The following TNXB variants were observed in gnomAD, a reference collection of about 807,000 sequenced individuals.
TNXB encodes the protein tenascin-X.
TNXB carries 183 observed loss-of-function variants against 340.5 expected under a neutral mutation model. The observed-to-expected ratio is 0.54, with a 90% confidence interval of 0.48 to 0.61. The LOEUF (loss-of-function observed/expected upper bound fraction) is 0.61, where lower values mean the gene tolerates loss of function less well. Among genes scored for constraint, TNXB ranks in the 20% least tolerant of loss-of-function variants. The pLI, the probability that TNXB is intolerant of heterozygous loss-of-function variation, is 0.00. For synonymous variants in TNXB, 2,121 were observed against 2,314.5 expected (o/e 0.92, Z 2.40); for missense variants, 4,613 against 5,446.4 (o/e 0.85, Z 4.82).
intron 26 of TNXB, among the ~76,000 whole-genome samples, chr6:32,050,558 C>G (rs1420371761): frequency 6.6e-6 from 1 of 151,026 alleles, no homozygotes; most frequent in Non-Finnish European, 1.5e-5. Context: ...CCCTGTCCCT[C>G]CAGCACCGCC....
In TNXB at chr6:32,096,458, G is replaced by T; in HGVS notation, c.1395C>A (p.Ser465Arg). Residue 465 changes from serine (S) to arginine (R), a missense_variant, in exon 3 of 44, where the codon AGC (serine) becomes AGA (arginine). Transcript: ENST00000644971. ...CCCGGCCACGACAGTCCCCAGGACA[G>T]CTGCGCACACCGCAGTCCTCGCCGC... ...GYSGEDCGVR[S>R]CPGDCRGRGR... 1 of 1,599,494 alleles carries T rather than the reference G, an allele frequency of 6.3e-7. No individual in the cohort carries two copies.
chr6:32,069,874 C>A lies in TNXB; in HGVS notation c.5279-13G>T. 1 of 1,574,944 alleles carries A rather than the reference C, an allele frequency of 6.3e-7. No homozygotes were observed. The highest frequency in any genetic ancestry group is 1.8e-5 in the Admixed American group (1 of 55,660). On this transcript the variant is annotated splice_polypyrimidine_tract_variant and intron_variant, in intron 14 of 43. Coordinates refer to ENST00000644971, the MANE Select transcript of TNXB (RefSeq NM_001365276.2). This position sits in a 1 kb window ranked among gnomAD's most constrained non-coding sequence, Gnocchi z 6.2. The stretch of plus-strand genomic sequence containing the variant: ...GCACTCCGGGCTTCTGAGATGGAGA[C>A]ACGGAGAGGAAACGGCTGAGCTGTT...
At position 32,085,968 on chromosome 6, in the gene TNXB, A is replaced by T; in HGVS notation, c.2930T>A (p.Leu977His). Reference protein sequence around the residue: ...RVLGRDETGRLRVVWTAQPDT... With the variant: ...RVLGRDETGRHRVVWTAQPDT... Reference sequence around the variant, plus strand: ...AGGCTGGGCGGTCCAGACCACACGGAGGCGCCCTGTCTCATCTCTGCCCAG... The same window carrying T: ...AGGCTGGGCGGTCCAGACCACACGGTGGCGCCCTGTCTCATCTCTGCCCAG... Residue 977 changes from leucine (L) to histidine (H), a missense_variant, in exon 7 of 44, where the codon CTC becomes CAC. Coordinates refer to ENST00000644971, the MANE Select transcript of TNXB (RefSeq NM_001365276.2). The surrounding 1 kb of genome is among the most constrained non-coding windows in gnomAD (Gnocchi z 6.4). 6.2e-7 allele frequency: 1 copy of T among 1,608,118 alleles called. No homozygotes were observed. The highest frequency in any genetic ancestry group is 8.5e-7 in the Non-Finnish European group (1 of 1,178,782).
chr6:32,068,411 C>A lies in TNXB; in HGVS notation c.6199G>T (p.Val2067Leu), dbSNP rs763558215. 4 of 1,613,798 alleles carry A rather than the reference C, an allele frequency of 2.5e-6. No individual in the cohort carries two copies. The South Asian group carries it at 4.4e-5, about 18-fold the overall frequency. ...TCACCTGTCACCCCGACGACAGACACAGGGCCCATGCGCTGGCCACCGTGG... is the reference window on the plus strand; with the variant it reads ...TCACCTGTCACCCCGACGACAGACAAAGGGCCCATGCGCTGGCCACCGTGG... The part of the protein sequence containing the change: ...GFHGGQRMGP[V>L]SVVGVTAAEE... The change falls in exon 17 of 44, where the codon GTG becomes TTG. Residue 2067 changes from valine (V) to leucine (L), a missense_variant. Physicochemically the swap from Val to Leu is conservative, Grantham distance 32 (BLOSUM62 1). Around this residue, in one of 7 missense-constraint regions of TNXB, gnomAD observed 4,327 missense variants for 4,859.4 expected, o/e 0.89. Coordinates refer to ENST00000644971, the MANE Select transcript of TNXB (RefSeq NM_001365276.2). This position sits in a 1 kb window ranked among gnomAD's most constrained non-coding sequence, Gnocchi z 5.3.
chr6:32,065,159 G>T lies in TNXB; in HGVS notation c.6545-42C>A, dbSNP rs959973139. 4 of 1,483,816 alleles carry T rather than the reference G, an allele frequency of 2.7e-6. No individual in the cohort carries two copies. In the African/African-American group the frequency reaches 5.6e-5, roughly 21 times the overall value. 91.9% of individuals were successfully genotyped at this position (1,483,816 alleles called of 1,614,324 possible). A position where few individuals can be genotyped will look rare whatever the true frequency, so the allele number is the denominator to read the frequency against. ...ACAGAATCTTTTCTCTTGCTGCAAGGAGGTGTTGAGGCCCCAGCTGTCTTG... is the reference window on the plus strand; with the variant it reads ...ACAGAATCTTTTCTCTTGCTGCAAGTAGGTGTTGAGGCCCCAGCTGTCTTG... On this transcript the variant is annotated intron_variant, in intron 18 of 43. Coordinates refer to ENST00000644971, the MANE Select transcript of TNXB (RefSeq NM_001365276.2).
chr6:32,084,566 C>T lies in TNXB; in HGVS notation c.3292G>A (p.Asp1098Asn). ...EFDSFVIQYKDRDGQPQVVPV... is the reference protein window; with the variant it reads ...EFDSFVIQYKNRDGQPQVVPV... ...ACCACCTGGGGCTGCCCGTCCCTGTCTTTGTACTGGATCACGAAGGAGTCA... is the reference window on the plus strand; with the variant it reads ...ACCACCTGGGGCTGCCCGTCCCTGTTTTTGTACTGGATCACGAAGGAGTCA... Residue 1098 changes from aspartate to asparagine, a missense_variant, in exon 8 of 44, where the codon GAC (aspartate) becomes AAC (asparagine). By Grantham distance (23) the Asp-to-Asn change is conservative. Coordinates refer to ENST00000644971, the MANE Select transcript of TNXB (RefSeq NM_001365276.2). The surrounding 1 kb of genome is among the most constrained non-coding windows in gnomAD (Gnocchi z 5.5). 1 of 1,609,038 alleles carries T rather than the reference C, an allele frequency of 6.2e-7. No homozygotes were observed. The highest frequency in any genetic ancestry group is 8.5e-7 in the Non-Finnish European group (1 of 1,178,698).
chr6:32,072,020 G>A lies in TNXB; in HGVS notation c.4960C>T (p.Arg1654Cys), dbSNP rs748623597. The change falls in exon 13 of 44, where the codon CGC becomes TGC. Residue 1654 changes from arginine to cysteine, a missense_variant. Physicochemically the swap from Arg to Cys is radical, Grantham distance 180. Transcript: ENST00000644971. This position sits in a 1 kb window ranked among gnomAD's most constrained non-coding sequence, Gnocchi z 4.4. ...TTTGCCTCCACAGAGACTGGGCTGC[G>A]TCGTTTCCCATCCTGGATCCCAAAG... ...LLFGIQDGKR[R>C]SPVSVEAKTV... is the part of the protein sequence containing the mutation. The A allele has an allele frequency of 8.1e-6, 13 of 1,607,728 alleles. No individual in the cohort carries two copies. Among genetic ancestry groups the A allele is most frequent in the Non-Finnish European group, 1.1e-5 (13 of 1,177,000 alleles).
rs28361052 is a variant in TNXB, at chr6:32,064,428, G to C, written c.6841+393C>G. 0.26 allele frequency among the ~76,000 whole-genome samples: 39,087 copies of C among 152,094 alleles called. 6,449 individuals carry two copies. Among genetic ancestry groups the C allele is most frequent in the Admixed American group, 0.38 (5,748 of 15,254 alleles). The stretch of plus-strand genomic sequence containing the variant: ...GGGGTTTCATGATGTTGGCCAGGCT[G>C]GTCTCGAACTCCTGACCTCAAGTGA... On this transcript the variant is annotated intron_variant, in intron 19 of 43. Coordinates refer to ENST00000644971, the MANE Select transcript of TNXB (RefSeq NM_001365276.2). The surrounding 1 kb of genome is among the most constrained non-coding windows in gnomAD (Gnocchi z 5.3).
At position 32,046,385 on chromosome 6, in the gene TNXB, G is replaced by A. The variant is rs1005686810; in HGVS notation, c.10396C>T (p.Arg3466Cys). 12 of 1,592,992 alleles carry A rather than the reference G, an allele frequency of 7.5e-6. No individual in the cohort carries two copies. The highest frequency in any genetic ancestry group is 2.2e-5 in the East Asian group (1 of 44,472). The change falls in exon 31 of 44, where the codon CGC becomes TGC. Residue 3466 changes from arginine (R) to cysteine (C), a missense_variant. Arg to Cys is a radical substitution (Grantham distance 180). Coordinates refer to ENST00000644971, the MANE Select transcript of TNXB (RefSeq NM_001365276.2). The surrounding 1 kb of genome is among the most constrained non-coding windows in gnomAD (Gnocchi z 6.9). ...TVAEETSSSL[R>C]LSWTVAQGPF... ...CCCTGGGCTACCGTCCAGGACAGGC[G>A]CAGAGAGCTGGAGGTCTCCTCAGCC... is the stretch of plus-strand genomic sequence containing the variant.
chr6:32,048,592 G>A lies in TNXB; in HGVS notation c.9816C>T (p.Ala3272=), dbSNP rs751485412. 5.3e-6 allele frequency: 8 copies of A among 1,519,454 alleles called. No homozygotes were observed. The highest frequency in any genetic ancestry group is 2.0e-5 in the Admixed American group (1 of 51,210). The allele number at this position is 1,519,454 out of a possible 1,614,324, so 94.1% of individuals were successfully genotyped here. Residue 3272 remains alanine, a synonymous_variant, in exon 29 of 44, where the codon GCC becomes GCT. Transcript: ENST00000644971. ...AGAGGCCCACTGAGTCCGAGGTCAC[G>A]GCCGCCACCGCCAGCTCCCCCAGGC... ...EPRLGELAVA[A]VTSDSVGLSW...
chr6:32,093,916 A>G (rs1780194186), intron 4 of TNXB, among the ~76,000 whole-genome samples: 1 of 151,850 alleles, frequency 6.6e-6, no homozygotes, highest in African/African-American at 2.4e-5. Flanking sequence ...CAACATGGAG[A>G]AACCCCGTCT....
Position 32,047,165 on chromosome 6 carries a change from C to G in TNXB, c.10324+569G>C, listed in dbSNP as rs1273127858. Among the ~76,000 whole-genome samples, 1 of 152,238 alleles carries G rather than the reference C, an allele frequency of 6.6e-6. No homozygotes were observed. Among genetic ancestry groups the G allele is most frequent in the African/African-American group, 2.4e-5 (1 of 41,468 alleles). On this transcript the variant is annotated intron_variant, in intron 30 of 43. Transcript: ENST00000644971. The surrounding 1 kb of genome is among the most constrained non-coding windows in gnomAD (Gnocchi z 6.2). ...AGAGAATTACGGAGTCCCAGGGACC[C>G]AGGCCCAGACTGGCCGGCTGCTCTG...
In TNXB at chr6:32,053,513, C is replaced by G. The variant is rs768863607; in HGVS notation, c.8666G>C (p.Arg2889Pro). 1 of 1,613,528 alleles carries G rather than the reference C, an allele frequency of 6.2e-7. No homozygotes were observed. The highest frequency in any genetic ancestry group is 2.2e-5 in the East Asian group (1 of 44,874). Residue 2889 changes from arginine to proline, a missense_variant, in exon 25 of 44, where the codon CGG becomes CCG. Physicochemically the swap from Arg to Pro is moderately radical, Grantham distance 103. Transcript: ENST00000644971. ...GACCCCGTCCTCGTGCCCCGGCACC[C>G]GCACCACCTTGGGCTGCCCATCCCC... ...RNGDGQPKVVRVPGHEDGVTI... is the reference protein window; with the variant it reads ...RNGDGQPKVVPVPGHEDGVTI...
Position 32,062,461 on chromosome 6 carries a change from C to A in TNXB, c.6864G>T (p.Met2288Ile). Residue 2288 changes from methionine to isoleucine, a missense_variant, in exon 20 of 44, where the codon ATG becomes ATT. By Grantham distance (10) the Met-to-Ile change is conservative (BLOSUM62 1). Transcript: ENST00000644971. This position sits in a 1 kb window ranked among gnomAD's most constrained non-coding sequence, Gnocchi z 4.3. ...TGGGAGGTTCTGTCGAGGCTGGGGC[C>A]ATTTCTTCATCCTTTCCTGGGGCTG... Reference protein sequence around the residue: ...GLTAPGKDEEMAPASTEPPTP... With the variant: ...GLTAPGKDEEIAPASTEPPTP... The A allele has an allele frequency of 6.2e-7, 1 of 1,606,858 alleles. No homozygotes were observed. Among genetic ancestry groups the A allele is most frequent in the East Asian group, 2.2e-5 (1 of 44,714 alleles).
At position 32,084,616 on chromosome 6, in the gene TNXB, C is replaced by A; in HGVS notation, c.3242G>T (p.Arg1081Leu). The change falls in exon 8 of 44, where the codon CGC becomes CTC. Residue 1081 changes from arginine (R) to leucine (L), a missense_variant. This residue lies in a region of TNXB where 4,327 missense variants were observed against 4,859.4 expected (regional missense o/e 0.89). Coordinates refer to ENST00000644971, the MANE Select transcript of TNXB (RefSeq NM_001365276.2). This position sits in a 1 kb window ranked among gnomAD's most constrained non-coding sequence, Gnocchi z 5.5. ...TDRTSDSLLL[R>L]WTVPEGEFDS... ...AAACTCGCCCTCGGGGACCGTCCAG[C>A]GCAGGAGCAAGGAGTCGGAGGTCCT... The A allele has an allele frequency of 6.2e-7, 1 of 1,605,158 alleles. No individual in the cohort carries two copies.
intron 1 of TNXB, among the ~76,000 whole-genome samples, chr6:32,101,402 C>T (rs942831905): frequency 7.0e-4 from 107 of 152,162 alleles, no homozygotes; most frequent in African/African-American, 2.4e-3. Context: ...CATTCTCCTG[C>T]CTCAGCCTCC....
rs1015099099 is a variant in TNXB at position 32,097,872 on chromosome 6, G to A, written c.327C>T (p.Ile109=). The A allele has an allele frequency of 6.4e-7, 1 of 1,555,914 alleles. No individual in the cohort carries two copies. The highest frequency in any genetic ancestry group is 1.7e-4 in the Middle Eastern group (1 of 5,830). ...TGAGCCCCTTCACCAACTCCTCCAG[G>A]ATCTCTAGACGGACCCTCAGGGCCT... ...EVQALRVRLE[I]LEELVKGLKE... Residue 109 remains isoleucine (I), a synonymous_variant, in exon 2 of 44, where the codon ATC becomes ATT. Coordinates refer to ENST00000644971, the MANE Select transcript of TNXB (RefSeq NM_001365276.2). This position sits in a 1 kb window ranked among gnomAD's most constrained non-coding sequence, Gnocchi z 5.9.
At position 32,094,485 on chromosome 6, in the gene TNXB, G is replaced by C. The variant is rs555236782; in HGVS notation, c.2358+591C>G. Among the ~76,000 whole-genome samples the C allele has an allele frequency of 2.0e-5, 3 of 152,262 alleles. No individual in the cohort carries two copies. In the East Asian group the frequency reaches 5.8e-4, roughly 29 times the overall value. On this transcript the variant is annotated intron_variant, in intron 4 of 43. Transcript: ENST00000644971. ...CTACAAATTGCTATACGCCAGCTCTGAGAAAAGTGTCCATAAATTCAGAGT... is the reference window on the plus strand; with the variant it reads ...CTACAAATTGCTATACGCCAGCTCTCAGAAAAGTGTCCATAAATTCAGAGT...
intron 18 of TNXB, among the ~76,000 whole-genome samples, chr6:32,065,953 T>G (rs896578596): frequency 6.6e-6 from 1 of 152,158 alleles, no homozygotes; most frequent in Non-Finnish European, 1.5e-5. Flanking sequence ...CCTGGCCATA[T>G]TGTGGATTTT....
Sources: gnomAD v4.1 joint callset for allele counts (sites outside exome capture counted in the v4.1 genomes callset) on GRCh38, gnomAD v4.1.1 for gene constraint, gnomAD v4.1.1 regional missense constraint, Gnocchi (gnomAD v3.1) non-coding constraint, MANE v1.5 for transcripts, NCBI Gene and HGNC (gene_info 2026-07-23, HGNC 2026-07-21) for gene names.